The following ARB2A variants were observed in gnomAD, a reference collection of about 807,000 sequenced individuals.
ARB2A encodes ARB2 cotranscriptional regulator A.
chr5:93,636,508 C>T, the ARB2A span, among the ~76,000 whole-genome samples: 18 of 152,342 alleles, frequency 1.2e-4, no homozygotes, highest in Non-Finnish European at 2.4e-4. Context: ...CCTGTGAAGA[C>T]ACAGTGAAAA....
the ARB2A span, among the ~76,000 whole-genome samples, chr5:94,026,623 G>A: frequency 6.6e-6 from 1 of 152,192 alleles, no homozygotes; most frequent in East Asian, 1.9e-4. Context: ...AATTAGGGAA[G>A]AGTAGGTATA....
At chr5:93,884,910 T>G in the ARB2A span, among the ~76,000 whole-genome samples, 1 of 151,548 alleles carries the variant, frequency 6.6e-6, no homozygotes, top group Non-Finnish European at 1.5e-5. Context: ...AGATATATAG[T>G]AAAACTTAAT....
chr5:93,813,147 T>C, the ARB2A span, among the ~76,000 whole-genome samples: 1,072 of 152,296 alleles, frequency 7.0e-3, 10 homozygotes, highest in African/African-American at 0.025. Flanking sequence ...GTCTATGGCA[T>C]TTTTGTTATA....
At chr5:93,871,176 GA>G in the ARB2A span, among the ~76,000 whole-genome samples, 1 of 152,184 alleles carries the variant, frequency 6.6e-6, no homozygotes, top group Admixed American at 6.5e-5. Context: ...ATAACTTTGA[GA>G]GTTTTTTAAT....
At chr5:94,007,632 G>C in the ARB2A span, among the ~76,000 whole-genome samples, 2 of 152,094 alleles carry the variant, frequency 1.3e-5, no homozygotes, top group Admixed American at 1.3e-4. Flanking sequence ...AAAATTAGCT[G>C]TGCATGGTGG....
chr5:94,070,579 T>C, the ARB2A span, among the ~76,000 whole-genome samples: 4 of 151,932 alleles, frequency 2.6e-5, no homozygotes, highest in African/African-American at 9.7e-5. Flanking sequence ...TCTATGCATA[T>C]AACAAAATAT....
At chr5:94,062,715 T>A in the ARB2A span, among the ~76,000 whole-genome samples, 1 of 152,100 alleles carries the variant, frequency 6.6e-6, no homozygotes, top group Non-Finnish European at 1.5e-5. Flanking sequence ...AGGTGCCATT[T>A]TGAGAGCCCA....
the ARB2A span, among the ~76,000 whole-genome samples, chr5:93,759,977 G>A: frequency 6.6e-6 from 1 of 152,240 alleles, no homozygotes; most frequent in Non-Finnish European, 1.5e-5. Context: ...CTAACAATAC[G>A]AGTGTTTACC....
chr5:93,720,730 T>C, the ARB2A span, among the ~76,000 whole-genome samples: 8 of 152,234 alleles, frequency 5.3e-5, no homozygotes, highest in African/African-American at 1.9e-4. Context: ...ATATTAACTT[T>C]AACAGAGTGA....
chr5:93,682,582 T>C, the ARB2A span, among the ~76,000 whole-genome samples: 1 of 151,984 alleles, frequency 6.6e-6, no homozygotes, highest in Non-Finnish European at 1.5e-5. Flanking sequence ...CATTTCCATG[T>C]CTGACCACCG....
the ARB2A span, among the ~76,000 whole-genome samples, chr5:93,867,837 C>T: frequency 2.0e-5 from 3 of 151,476 alleles, no homozygotes; most frequent in African/African-American, 4.9e-5. Context: ...AATATATAAT[C>T]TATTACTTTT....
chr5:93,988,123 C>T, the ARB2A span, among the ~76,000 whole-genome samples: 6 of 152,242 alleles, frequency 3.9e-5, no homozygotes, highest in East Asian at 1.9e-4. Context: ...TCTCTACTAT[C>T]GCCATTCTAG....
the ARB2A span, among the ~76,000 whole-genome samples, chr5:94,071,470 G>C: frequency 6.6e-6 from 1 of 151,938 alleles, no homozygotes; most frequent in African/African-American, 2.4e-5. Context: ...TACAAACTGA[G>C]AGAAAATATT....
chr5:94,036,261 T>C, the ARB2A span, among the ~76,000 whole-genome samples: 1 of 152,194 alleles, frequency 6.6e-6, no homozygotes, highest in Non-Finnish European at 1.5e-5. Flanking sequence ...GGTCCAAATA[T>C]CAAAATTACA....
chr5:93,683,194 ATCTTCATCATCATCC>A, the ARB2A span: 64 of 1,301,488 alleles, frequency 4.9e-5, no homozygotes, highest in African/African-American at 4.2e-4. Flanking sequence ...CATCATCATC[ATCTTCATCATCATCC>A]TCTTCATCAT....
At chr5:93,621,565 G>A in the ARB2A span, among the ~76,000 whole-genome samples, 1 of 152,218 alleles carries the variant, frequency 6.6e-6, no homozygotes, top group Non-Finnish European at 1.5e-5. Flanking sequence ...TCTCCCTCCG[G>A]GAAACCACCC....
At chr5:93,936,119 ATAGT>A in the ARB2A span, among the ~76,000 whole-genome samples, 1 of 152,208 alleles carries the variant, frequency 6.6e-6, no homozygotes, top group African/African-American at 2.4e-5. Context: ...TATTTAACAA[ATAGT>A]TAAATTTAAA....
At chr5:93,634,400 AAAAAACAAAAAAC>A in the ARB2A span, among the ~76,000 whole-genome samples, 3 of 148,198 alleles carry the variant, frequency 2.0e-5, no homozygotes, top group African/African-American at 7.3e-5. Context: ...CTGTCTCAAA[AAAAAACAAAAAAC>A]AAAAAACAAA....
chr5:94,070,195 C>T, the ARB2A span, among the ~76,000 whole-genome samples: 1 of 152,046 alleles, frequency 6.6e-6, no homozygotes, highest in South Asian at 2.1e-4. Context: ...ATGGATGGAA[C>T]TGGAAGTTAC....
Sources: gnomAD v4.1 joint callset for allele counts (sites outside exome capture counted in the v4.1 genomes callset) on GRCh38, gnomAD v4.1.1 for gene constraint, MANE v1.5 for transcripts, NCBI Gene and HGNC (gene_info 2026-07-23, HGNC 2026-07-21) for gene names.